LOXL3: variants seen among roughly 807,000 people sequenced by gnomAD.
LOXL3 encodes lysyl oxidase like 3, also known as lysyl oxidase homolog 3.
A neutral mutation model predicts 91.8 loss-of-function variants in LOXL3; 60 were observed. That is an observed-to-expected ratio of 0.65 (90% confidence interval 0.53 to 0.81). The LOEUF is 0.81. LOXL3 is among the 30% of genes least tolerant of loss of function. LOXL3 has a pLI of 0.00. For synonymous variants in LOXL3, 355 were observed against 387.6 expected (o/e 0.92, Z 0.99); for missense variants, 874 against 1,000.4 (o/e 0.87, Z 1.70).
At position 74,534,151 on chromosome 2, in the gene LOXL3, G is replaced by C. The variant is rs778140028; in HGVS notation, c.2025C>G (p.Asp675Glu). The C allele has an allele frequency of 1.9e-6, 3 of 1,614,090 alleles. No homozygotes were observed. Among genetic ancestry groups the C allele is most frequent in the African/African-American group, 2.7e-5 (2 of 74,930 alleles). The change falls in exon 12 of 14, where the codon GAC (aspartate) becomes GAG (glutamate). Residue 675 changes from aspartate to glutamate, a missense_variant. Transcript: ENST00000264094. Reference protein sequence around the residue: ...GCWDLYRHDIDCQWIDITDVK... With the variant: ...GCWDLYRHDIECQWIDITDVK... ...CATCCGTGATGTCAATCCACTGACA[G>C]TCAATGTCATGCCGGTAGAGATCCC...
chr2:74,555,432 G>A (rs1350909324), upstream of LOXL3: 34 of 1,609,936 alleles, frequency 2.1e-5, no homozygotes, highest in Non-Finnish European at 2.9e-5. This position sits in a 1 kb window ranked among gnomAD's most constrained non-coding sequence, Gnocchi z 6.1. Context: ...GGGTGCAGAC[G>A]CTGTGCCGAA....
upstream of LOXL3, chr2:74,554,390 C>T (rs979782238): frequency 1.2e-5 from 3 of 258,918 alleles, no homozygotes; most frequent in South Asian, 5.5e-5. The surrounding 1 kb of genome is among the most constrained non-coding windows in gnomAD (Gnocchi z 4.9). Flanking sequence ...TGGGTCTCTC[C>T]GGTGCCCGGG....
upstream of LOXL3, chr2:74,555,647 T>C: frequency 6.2e-7 from 1 of 1,614,032 alleles, no homozygotes; most frequent in Non-Finnish European, 8.5e-7. The surrounding 1 kb of genome is among the most constrained non-coding windows in gnomAD (Gnocchi z 6.1). Context: ...GGAGAACTCC[T>C]TGTACAGCCC....
chr2:74,534,849 G>T (rs1405956386), intron 9 of LOXL3, 75 bp from the exon 10 acceptor site: 20 of 1,495,114 alleles, frequency 1.3e-5, no homozygotes, highest in South Asian at 1.2e-5. Flanking sequence ...TCCCTCCCTA[G>T]TGTGTAAGAC....
At position 74,533,507 on chromosome 2, in the gene LOXL3, C is replaced by T. The variant is rs931876203; in HGVS notation, c.*99G>A. The T allele has an allele frequency of 2.4e-5, 24 of 1,009,692 alleles. No homozygotes were observed. Among genetic ancestry groups the T allele is most frequent in the African/African-American group, 1.4e-4 (9 of 62,570 alleles). The allele number at this position is 1,009,692 out of a possible 1,614,324, so 62.5% of individuals were successfully genotyped here. ...TCCATAGTGCATGGTCTGATGAGTG[C>T]GGTTGCTGACATGGGTTTCTTGGTA... is the stretch of plus-strand genomic sequence containing the variant. On this transcript the variant is annotated 3_prime_UTR_variant, in exon 14 of 14. Coordinates refer to ENST00000264094, the MANE Select transcript of LOXL3 (RefSeq NM_032603.5).
In LOXL3 at chr2:74,535,885, CAGG is replaced by C; in HGVS notation, c.1248+108_1248+110del. The C allele has an allele frequency of 2.7e-6, 4 of 1,475,644 alleles. No individual in the cohort carries two copies. The Admixed American group carries it at 9.1e-5, about 34-fold the overall frequency. The allele number at this position is 1,475,644 out of a possible 1,614,324, so 91.4% of individuals were successfully genotyped here. A position where few individuals can be genotyped will look rare whatever the true frequency, so the allele number is the denominator to read the frequency against. ...CAAGTGATGGGTCAGGTGGGAGCTG[CAGG>C]AGGGCAGGGGCCTGGGGCAATGGGC... is the stretch of plus-strand genomic sequence containing the variant. On this transcript the variant is annotated intron_variant, in intron 7 of 13. Coordinates refer to ENST00000264094, the MANE Select transcript of LOXL3 (RefSeq NM_032603.5). This position sits in a 1 kb window ranked among gnomAD's most constrained non-coding sequence, Gnocchi z 4.2.
rs150838046 is a variant in LOXL3 at position 74,552,451 on chromosome 2, G to T, written c.184C>A (p.Arg62=). 1.2e-6 allele frequency: 2 copies of T among 1,613,884 alleles called. No homozygotes were observed. Among genetic ancestry groups the T allele is most frequent in the Non-Finnish European group, 1.7e-6 (2 of 1,179,926 alleles). The change falls in exon 2 of 14, where the codon CGA becomes AGA. Residue 62 remains arginine, a synonymous_variant. Coordinates refer to ENST00000264094, the MANE Select transcript of LOXL3 (RefSeq NM_032603.5). ...KPYEGRVEIQ[R]AGEWGTICDD... is the part of the protein sequence containing the mutation. The stretch of plus-strand genomic sequence containing the variant: ...CAGATGGTGCCCCATTCACCAGCTC[G>T]CTGTATCTCCACGCGGCCCTCGTAG...
upstream of LOXL3, chr2:74,554,415 A>C: frequency 3.0e-6 from 1 of 328,888 alleles, no homozygotes; most frequent in Non-Finnish European, 5.6e-6. This position sits in a 1 kb window ranked among gnomAD's most constrained non-coding sequence, Gnocchi z 4.9. Context: ...TTTCGGGGTG[A>C]TGTCATGGCT....
At chr2:74,553,432 G>T (rs1475931062) in intron 1 of LOXL3, among the ~76,000 whole-genome samples, 1 of 152,206 alleles carries the variant, frequency 6.6e-6, no homozygotes, top group Non-Finnish European at 1.5e-5. Flanking sequence ...ATGGGGTAGG[G>T]TTGTCCCAGC....
intron 4 of LOXL3, among the ~76,000 whole-genome samples, chr2:74,547,479 G>A (rs1676664927): frequency 6.6e-6 from 1 of 152,176 alleles, no homozygotes; most frequent in Admixed American, 6.5e-5. Context: ...GCACAGAGAA[G>A]GAAATGCAGC....
Position 74,533,553 on chromosome 2 carries a change from C to T in LOXL3, c.*53G>A. The T allele has an allele frequency of 3.9e-6, 6 of 1,524,198 alleles. No individual in the cohort carries two copies. Among genetic ancestry groups the T allele is most frequent in the Non-Finnish European group, 5.4e-6 (6 of 1,101,590 alleles). 94.4% of individuals were successfully genotyped at this position (1,524,198 alleles called of 1,614,324 possible). A position where few individuals can be genotyped will look rare whatever the true frequency, so the allele number is the denominator to read the frequency against. On this transcript the variant is annotated 3_prime_UTR_variant, in exon 14 of 14. Coordinates refer to ENST00000264094, the MANE Select transcript of LOXL3 (RefSeq NM_032603.5). The stretch of plus-strand genomic sequence containing the variant: ...TGGTAAGCTCCTGAGGTAATGGCAG[C>T]CTCAGACCCCTGCCATTAGGGGCCA...
intron 12 of LOXL3, 42 bp from the exon 13 acceptor site, chr2:74,534,035 C>T (rs373974142): frequency 5.3e-5 from 86 of 1,611,474 alleles, no homozygotes; most frequent in African/African-American, 3.6e-4. Context: ...CGACAATCCT[C>T]GAATTCAAAG....
intron 4 of LOXL3, among the ~76,000 whole-genome samples, chr2:74,538,491 G>A (rs984903492): frequency 6.6e-6 from 1 of 152,202 alleles, no homozygotes; most frequent in African/African-American, 2.4e-5. Flanking sequence ...GACTTTTAAT[G>A]TGCAAACTGC....
chr2:74,547,269 G>A lies in LOXL3; in HGVS notation c.692+2100C>T, dbSNP rs549863468. Among the ~76,000 whole-genome samples, 16 of 152,136 alleles carry A rather than the reference G, an allele frequency of 1.1e-4. No homozygotes were observed. In the South Asian group the frequency reaches 2.1e-3, roughly 20 times the overall value. ...CTTGGGCTCAAATAATGCTTCCACC[G>A]TGGCCTCCCAAAGTCCTGGGATTAT... On this transcript the variant is annotated intron_variant, in intron 4 of 13. Transcript: ENST00000264094.
At position 74,552,358 on chromosome 2, in the gene LOXL3, C is replaced by G; in HGVS notation, c.277G>C (p.Gly93Arg). 1 of 1,610,386 alleles carries G rather than the reference C, an allele frequency of 6.2e-7. No individual in the cohort carries two copies. Among genetic ancestry groups the G allele is most frequent in the South Asian group, 1.1e-5 (1 of 91,022 alleles). ...CCATATTTGGCACTGTGGGTCCAGC[C>G]TGTGGCCTCTGTGAAGCCCAGCTCC... ...CRELGFTEAT[G>R]WTHSAKYGPG... The change falls in exon 2 of 14, where the codon GGC becomes CGC. Residue 93 changes from glycine to arginine, a missense_variant. Coordinates refer to ENST00000264094, the MANE Select transcript of LOXL3 (RefSeq NM_032603.5).
upstream of LOXL3, chr2:74,555,473 C>T (rs1340737144): frequency 6.2e-7 from 1 of 1,607,282 alleles, no homozygotes. This position sits in a 1 kb window ranked among gnomAD's most constrained non-coding sequence, Gnocchi z 6.1. Context: ...TGCGGCGATG[C>T]GGGGTGGGGG....
At position 74,532,470 on chromosome 2, in the gene LOXL3, G is replaced by A. The variant is rs1337817839; in HGVS notation, c.*1136C>T. On this transcript the variant is annotated 3_prime_UTR_variant, in exon 14 of 14. Transcript: ENST00000264094. Reference sequence around the variant, plus strand: ...TACATGTTGCACTTTATTGCTAGAAGACAGAAAGTGAGTTGCCATTGTATT... The same window carrying A: ...TACATGTTGCACTTTATTGCTAGAAAACAGAAAGTGAGTTGCCATTGTATT... 5 of 700,930 alleles carry A rather than the reference G, an allele frequency of 7.1e-6. No homozygotes were observed. The highest frequency in any genetic ancestry group is 1.8e-5 in the African/African-American group (1 of 57,076). 43.4% of individuals were successfully genotyped at this position (700,930 alleles called of 1,614,324 possible). A position where few individuals can be genotyped will look rare whatever the true frequency, so the allele number is the denominator to read the frequency against.
In LOXL3 at chr2:74,536,290, C is replaced by T; in HGVS notation, c.1093+1G>A. 1 of 1,613,654 alleles carries T rather than the reference C, an allele frequency of 6.2e-7. No homozygotes were observed. Among genetic ancestry groups the T allele is most frequent in the Non-Finnish European group, 8.5e-7 (1 of 1,179,944 alleles). On this transcript the variant is annotated splice_donor_variant, in intron 6 of 13. Transcript: ENST00000264094. LOFTEE classifies it high-confidence loss of function. The surrounding 1 kb of genome is among the most constrained non-coding windows in gnomAD (Gnocchi z 4.5). Reference sequence around the variant, plus strand: ...TCCCTCCCACCTCCATGCCACCTCACCCTGCCCCATGCGAGCGCCACTCAG... The same window carrying T: ...TCCCTCCCACCTCCATGCCACCTCATCCTGCCCCATGCGAGCGCCACTCAG...
At position 74,536,651 on chromosome 2, in the gene LOXL3, G is replaced by A. The variant is rs1573007320; in HGVS notation, c.912+58C>T. The A allele has an allele frequency of 6.4e-7, 1 of 1,562,030 alleles. No homozygotes were observed. Among genetic ancestry groups the A allele is most frequent in the South Asian group, 1.1e-5 (1 of 87,758 alleles). ...TCAGGGCTGTGCTTAGTCTGGGGTTGCCAGGCTAGGGGTTCTCCACCTGGG... is the reference window on the plus strand; with the variant it reads ...TCAGGGCTGTGCTTAGTCTGGGGTTACCAGGCTAGGGGTTCTCCACCTGGG... On this transcript the variant is annotated intron_variant, in intron 5 of 13. Coordinates refer to ENST00000264094, the MANE Select transcript of LOXL3 (RefSeq NM_032603.5). The surrounding 1 kb of genome is among the most constrained non-coding windows in gnomAD (Gnocchi z 4.5).
Sources: gnomAD v4.1 joint callset for allele counts (sites outside exome capture counted in the v4.1 genomes callset) on GRCh38, gnomAD v4.1.1 for gene constraint, Gnocchi (gnomAD v3.1) non-coding constraint, MANE v1.5 for transcripts, NCBI Gene and HGNC (gene_info 2026-07-23, HGNC 2026-07-21) for gene names.